The following PIK3R3 variants were observed in gnomAD, a reference collection of about 807,000 sequenced individuals.
PIK3R3 encodes the protein phosphoinositide-3-kinase regulatory subunit 3.
A neutral mutation model predicts 62.9 loss-of-function variants in PIK3R3; 64 were observed. The ratio of observed to expected loss-of-function variants is 1.02; its 90% confidence interval spans 0.83 to 1.25. The LOEUF (loss-of-function observed/expected upper bound fraction) is 1.25. Ranked by LOEUF, PIK3R3 falls within the 50% of genes most tolerant of loss-of-function variation. The probability of loss-of-function intolerance (pLI) is 0.00; values close to 1 mark genes in which losing one functional copy is unlikely to be tolerated. For missense variants in PIK3R3, 614 were observed against 561.6 expected (o/e 1.09, Z -0.94); for synonymous variants, 165 against 189.0 (o/e 0.87, Z 1.04).
At chr1:46,127,356 A>AAATAT (rs1553157058) in intron 1 of PIK3R3, among the ~76,000 whole-genome samples, 5 of 133,984 alleles carry the variant, frequency 3.7e-5, no homozygotes, top group African/African-American at 1.1e-4. Flanking sequence ...AAAAAAAAAA[A>AAATAT]ATATATATAT....
upstream of PIK3R3, among the ~76,000 whole-genome samples, chr1:46,138,012 C>T (rs1049570007): frequency 6.6e-6 from 1 of 152,336 alleles, no homozygotes; most frequent in South Asian, 2.1e-4. Flanking sequence ...CTAGGGTCTT[C>T]ACCACAGACG....
At chr1:46,108,199 T>C (rs1405469141) in intron 1 of PIK3R3, among the ~76,000 whole-genome samples, 2 of 152,224 alleles carry the variant, frequency 1.3e-5, no homozygotes, top group Non-Finnish European at 2.9e-5. Context: ...TATAAACTCT[T>C]CATAAACATA....
At chr1:46,168,358 G>A in the PIK3R3 span, among the ~76,000 whole-genome samples, 1 of 152,108 alleles carries the variant, frequency 6.6e-6, no homozygotes, top group Non-Finnish European at 1.5e-5. Flanking sequence ...CAAGGACCAC[G>A]ACTGATTCAG....
chr1:46,153,965 G>A, the PIK3R3 span, among the ~76,000 whole-genome samples: 2 of 152,210 alleles, frequency 1.3e-5, no homozygotes, highest in Non-Finnish European at 1.5e-5. Context: ...ACTTGATCTA[G>A]AAGGATAAGT....
chr1:46,140,817 T>TG, the PIK3R3 span, among the ~76,000 whole-genome samples: 1 of 152,072 alleles, frequency 6.6e-6, no homozygotes, highest in Non-Finnish European at 1.5e-5. Context: ...AATAAACTTG[T>TG]GGTTTTTTTT....
At chr1:46,126,455 A>G (rs1248248149) in intron 1 of PIK3R3, among the ~76,000 whole-genome samples, 1 of 151,658 alleles carries the variant, frequency 6.6e-6, no homozygotes, top group Non-Finnish European at 1.5e-5. Flanking sequence ...GGAGAATTGC[A>G]TGAGCCTGGG....
intron 9 of PIK3R3, among the ~76,000 whole-genome samples, chr1:46,045,616 G>GTTTTTTTTT (rs1357786582): frequency 0.015 from 253 of 16,472 alleles, 16 homozygotes; most frequent in Non-Finnish European, 0.024. Context: ...ACAATTAAGT[G>GTTTTTTTTT]CTTTTTTTTT....
chr1:46,048,898 A>C (rs1168356016), intron 7 of PIK3R3, among the ~76,000 whole-genome samples: 2 of 152,192 alleles, frequency 1.3e-5, no homozygotes, highest in African/African-American at 4.8e-5. Flanking sequence ...GATTTTAAAA[A>C]CCATTTTCAA....
chr1:46,108,933 G>A (rs987625894), intron 1 of PIK3R3, among the ~76,000 whole-genome samples: 8 of 152,196 alleles, frequency 5.3e-5, no homozygotes, highest in Non-Finnish European at 1.0e-4. Context: ...GCCAAGGCGG[G>A]CGGATCACGA....
chr1:46,043,272 C>G lies in PIK3R3; in HGVS notation c.*401G>C, dbSNP rs1647028080. 8.3e-6 allele frequency: 2 copies of G among 241,354 alleles called. No homozygotes were observed. The highest frequency in any genetic ancestry group is 5.9e-5 in the East Asian group (1 of 16,896). The allele number at this position is 241,354 out of a possible 1,614,324, so 15.0% of individuals were successfully genotyped here. On this transcript the variant is annotated 3_prime_UTR_variant, in exon 10 of 10. Transcript: ENST00000262741. ...TGCCAAAGCAAAACACAACTCCCAG[C>G]AGAGCCATGCCCCTGCTGCACTCTC... is the stretch of plus-strand genomic sequence containing the variant.
chr1:46,170,740 G>A, the PIK3R3 span, among the ~76,000 whole-genome samples: 1 of 152,132 alleles, frequency 6.6e-6, no homozygotes, highest in African/African-American at 2.4e-5. Flanking sequence ...TTAAGCTTAT[G>A]TGTCCCAGGC....
chr1:46,161,187 TG>T, the PIK3R3 span, among the ~76,000 whole-genome samples: 13 of 151,958 alleles, frequency 8.6e-5, no homozygotes, highest in Non-Finnish European at 1.8e-4. Context: ...CTTGAACTCC[TG>T]GGCTCAAATG....
the PIK3R3 span, among the ~76,000 whole-genome samples, chr1:46,153,407 CTTCTATAGCAGA>C: frequency 6.6e-6 from 1 of 152,198 alleles, no homozygotes; most frequent in Non-Finnish European, 1.5e-5. Flanking sequence ...ACTTGTTCAG[CTTCTATAGCAGA>C]TGGCTCCCAG....
In PIK3R3 at chr1:46,106,986, C is replaced by T. The variant is rs574224498; in HGVS notation, c.106+24861G>A. Among the ~76,000 whole-genome samples the T allele has an allele frequency of 1.0e-3, 154 of 152,182 alleles. 1 individual carries two copies. Among genetic ancestry groups the T allele is most frequent in the African/African-American group, 3.6e-3 (149 of 41,546 alleles). On this transcript the variant is annotated intron_variant, in intron 1 of 9. Coordinates refer to ENST00000262741, the MANE Select transcript of PIK3R3 (RefSeq NM_003629.4). ...AACGGGGTCAGGCTGGTCTCAAACT[C>T]CTGACCTCAGATGATCCACCCGCCT...
chr1:46,145,947 G>A, the PIK3R3 span, among the ~76,000 whole-genome samples: 10 of 152,132 alleles, frequency 6.6e-5, no homozygotes, highest in South Asian at 2.1e-4. Context: ...TGAGATAAGC[G>A]GAATACTTAT....
chr1:46,161,598 G>A, the PIK3R3 span, among the ~76,000 whole-genome samples: 1 of 152,120 alleles, frequency 6.6e-6, no homozygotes, highest in Non-Finnish European at 1.5e-5. Context: ...AGCCAGGCAT[G>A]GTGGCATGCA....
At chr1:46,059,868 G>C (rs1648308837) in intron 6 of PIK3R3, among the ~76,000 whole-genome samples, 1 of 152,188 alleles carries the variant, frequency 6.6e-6, no homozygotes, top group African/African-American at 2.4e-5. Flanking sequence ...GGGAGGCCAA[G>C]GCGGGCAGAT....
chr1:46,105,012 A>G (rs554624547), intron 1 of PIK3R3: 1 of 740,890 alleles, frequency 1.3e-6, no homozygotes, highest in Non-Finnish European at 2.5e-6. Context: ...CAGAGCCACC[A>G]GAAACATACA....
chr1:46,117,113 G>GA lies in PIK3R3; in HGVS notation c.106+14733dup, dbSNP rs565085284. Among the ~76,000 whole-genome samples the GA allele has an allele frequency of 1.1e-3, 169 of 152,192 alleles. 1 individual carries two copies. The highest frequency in any genetic ancestry group is 9.0e-3 in the Admixed American group (137 of 15,284). On this transcript the variant is annotated intron_variant, in intron 1 of 9. Transcript: ENST00000262741. ...CCACCAAAAAAATTAAGAACATCAG[G>GA]AAATTTTCTTTTCCAAAGTTACTTC...
Sources: allele counts gnomAD v4.1 joint callset (sites outside exome capture counted in the v4.1 genomes callset), GRCh38; gene constraint gnomAD v4.1.1; transcripts MANE v1.5; gene names NCBI Gene and HGNC (gene_info 2026-07-23, HGNC 2026-07-21).